The following MCPH1 variants were observed in gnomAD, a reference collection of about 807,000 sequenced individuals.
MCPH1 encodes the protein microcephalin 1.
Under a neutral mutation model 84.5 loss-of-function variants are expected in MCPH1, and 104 were observed. The ratio of observed to expected loss-of-function variants is 1.23; its 90% confidence interval spans 1.05 to 1.45. The LOEUF is 1.45. MCPH1 is among the 40% of genes most tolerant of loss of function. The pLI is 0.00. For missense variants in MCPH1, 1,498 were observed against 1,005.7 expected, an observed-to-expected ratio of 1.49 and a Z score of -6.62; for synonymous variants, 514 against 366.8, an observed-to-expected ratio of 1.40 and a Z score of -4.58.
At chr8:6,623,220 C>A (rs1049862261) in intron 13 of MCPH1, among the ~76,000 whole-genome samples, 1 of 152,014 alleles carries the variant, frequency 6.6e-6, no homozygotes, top group African/African-American at 2.4e-5. Flanking sequence ...TCCTGAGTTA[C>A]TGAGGGTTAA....
intron 7 of MCPH1, among the ~76,000 whole-genome samples, chr8:6,443,687 A>C (rs1201342728): frequency 6.6e-6 from 1 of 152,232 alleles, no homozygotes; most frequent in East Asian, 1.9e-4. Context: ...AGAGGGGGCA[A>C]GGCCAGGGAG....
At chr8:6,409,204 A>C in intron 1 of MCPH1, 75 bp from the exon 2 acceptor site, 2 of 1,275,132 alleles carry the variant, frequency 1.6e-6, no homozygotes, top group South Asian at 2.4e-5. Context: ...TCTTAAATGT[A>C]AATAGAACAA....
chr8:6,630,820 A>AC lies in MCPH1; in HGVS notation c.2452+9130dup, dbSNP rs1176635282. ...AAAAAAAAAAAACAATTATATATCAACAAAAAAAAGAAAATTTTAAAAAGT... is the reference window on the plus strand; with the variant it reads ...AAAAAAAAAAAACAATTATATATCAACCAAAAAAAAGAAAATTTTAAAAAGT... On this transcript the variant is annotated intron_variant, in intron 13 of 13. Transcript: ENST00000344683. Among the ~76,000 whole-genome samples, 100 of 152,004 alleles carry AC rather than the reference A, an allele frequency of 6.6e-4. 1 individual carries two copies. The highest frequency in any genetic ancestry group is 2.3e-3 in the African/African-American group (94 of 41,506).
rs1831404003 is a variant in MCPH1, at chr8:6,621,458, G to A, written c.2219G>A (p.Cys740Tyr). The change falls in exon 13 of 14, where the codon TGC becomes TAC. Residue 740 changes from cysteine (C) to tyrosine (Y), a missense_variant. Coordinates refer to ENST00000344683, the MANE Select transcript of MCPH1 (RefSeq NM_024596.5). ...LSHHFPAAPL[C>Y]RSECHLSAGP... ...CTATCTCTGTCTGCCCCACAGCTGTGCCGAAGCGAGTGCCACTTGTCTGCA... is the reference window on the plus strand; with the variant it reads ...CTATCTCTGTCTGCCCCACAGCTGTACCGAAGCGAGTGCCACTTGTCTGCA... 1.9e-6 allele frequency: 3 copies of A among 1,613,830 alleles called. No individual in the cohort carries two copies. The highest frequency in any genetic ancestry group is 1.1e-5 in the South Asian group (1 of 91,086).
At chr8:6,483,094 A>G (rs1010711429) in intron 11 of MCPH1, among the ~76,000 whole-genome samples, 1 of 152,266 alleles carries the variant, frequency 6.6e-6, no homozygotes, top group African/African-American at 2.4e-5. Context: ...CAAGAATTCC[A>G]TTGAAACTTC....
At chr8:6,613,449 G>A (rs544365860) in intron 12 of MCPH1, among the ~76,000 whole-genome samples, 5 of 152,188 alleles carry the variant, frequency 3.3e-5, no homozygotes, top group Non-Finnish European at 7.3e-5. Flanking sequence ...GGAGTCACGG[G>A]GGGGTGGTGG....
chr8:6,414,836 A>G lies in MCPH1; in HGVS notation c.186A>G (p.Lys62=), dbSNP rs1197411249. 1 of 1,613,844 alleles carries G rather than the reference A, an allele frequency of 6.2e-7. No individual in the cohort carries two copies. The highest frequency in any genetic ancestry group is 1.1e-5 in the South Asian group (1 of 91,066). ...FKDGYQSTWD[K]AQKRGVKLVS... Reference sequence around the variant, plus strand: ...ATGGCTACCAGAGCACTTGGGACAAAGCTCAGAAGAGAGGCGTAAAGCTCG... The same window carrying G: ...ATGGCTACCAGAGCACTTGGGACAAGGCTCAGAAGAGAGGCGTAAAGCTCG... The change falls in exon 3 of 14, where the codon AAA becomes AAG. Residue 62 remains lysine, a synonymous_variant. Coordinates refer to ENST00000344683, the MANE Select transcript of MCPH1 (RefSeq NM_024596.5).
chr8:6,631,531 A>G (rs1797157465), intron 13 of MCPH1, among the ~76,000 whole-genome samples: 2 of 152,252 alleles, frequency 1.3e-5, no homozygotes, highest in South Asian at 2.1e-4. Context: ...TTCAAAAAAG[A>G]TGATATAAAT....
chr8:6,418,615 G>A (rs150936335), intron 3 of MCPH1, among the ~76,000 whole-genome samples: 7 of 151,912 alleles, frequency 4.6e-5, no homozygotes, highest in African/African-American at 1.7e-4. Flanking sequence ...ACGGAGTCTC[G>A]CTCTGTCGCC....
chr8:6,467,169 A>G (rs1488040800), intron 9 of MCPH1, among the ~76,000 whole-genome samples: 1 of 152,234 alleles, frequency 6.6e-6, no homozygotes, highest in Non-Finnish European at 1.5e-5. Context: ...TTTTGGATAG[A>G]CTTAAGACTT....
intron 9 of MCPH1, among the ~76,000 whole-genome samples, chr8:6,474,630 CT>C (rs1445137601): frequency 6.6e-6 from 1 of 152,058 alleles, no homozygotes; most frequent in African/African-American, 2.4e-5. Flanking sequence ...TAGTCTTAAA[CT>C]TTACGAGTAA....
chr8:6,533,247 A>C (rs947165398), intron 12 of MCPH1, among the ~76,000 whole-genome samples: 2 of 152,238 alleles, frequency 1.3e-5, no homozygotes, highest in Admixed American at 6.5e-5. Context: ...TTTTAGCATT[A>C]ACTGAAACAC....
chr8:6,619,206 C>T (rs57870373), intron 12 of MCPH1: 2,299 of 152,318 alleles, frequency 0.015, 54 homozygotes, highest in African/African-American at 0.052. Context: ...CTTTGTTCTG[C>T]CAATAAAGAA....
At chr8:6,623,803 T>G (rs1383243884) in intron 13 of MCPH1, among the ~76,000 whole-genome samples, 1 of 151,878 alleles carries the variant, frequency 6.6e-6, no homozygotes, top group Non-Finnish European at 1.5e-5. Flanking sequence ...AAACATCCTA[T>G]GTTCTGAAAC....
chr8:6,406,811 TC>T, intron 1 of MCPH1, 122 bp downstream of exon 1: 5 of 1,094,058 alleles, frequency 4.6e-6, no homozygotes, highest in Non-Finnish European at 4.0e-6. Flanking sequence ...GCTGCCTGTC[TC>T]CCCCAGACCC....
chr8:6,552,663 T>C (rs903197545), intron 12 of MCPH1, among the ~76,000 whole-genome samples: 1 of 152,216 alleles, frequency 6.6e-6, no homozygotes, highest in Admixed American at 6.5e-5. Context: ...CACCCTGTGC[T>C]AGCCATCATC....
chr8:6,488,845 AG>A (rs1225316489), intron 11 of MCPH1, among the ~76,000 whole-genome samples: 2 of 152,084 alleles, frequency 1.3e-5, no homozygotes, highest in Non-Finnish European at 2.9e-5. Context: ...GGAGGCAGCT[AG>A]GGTCATCGAG....
At position 6,648,493 on chromosome 8, in the gene MCPH1, CT is replaced by C. The variant is rs1798322442; in HGVS notation, c.*5445del. 1 of 152,222 alleles carries C rather than the reference CT, an allele frequency of 6.6e-6. No homozygotes were observed. The highest frequency in any genetic ancestry group is 1.5e-5 in the Non-Finnish European group (1 of 68,058). 9.4% of individuals were successfully genotyped at this position (152,222 alleles called of 1,614,324 possible). ...CAAAAGTGGAATAAATAAAAACTAACTGTCTCATTTCAGCACTGGCAGTCTC... is the reference window on the plus strand; with the variant it reads ...CAAAAGTGGAATAAATAAAAACTAACGTCTCATTTCAGCACTGGCAGTCTC... On this transcript the variant is annotated 3_prime_UTR_variant, in exon 14 of 14. Coordinates refer to ENST00000344683, the MANE Select transcript of MCPH1 (RefSeq NM_024596.5).
intron 2 of MCPH1, among the ~76,000 whole-genome samples, chr8:6,412,320 A>G (rs1232619995): frequency 6.6e-6 from 1 of 152,228 alleles, no homozygotes; most frequent in African/African-American, 2.4e-5. Context: ...CCGTTAGACA[A>G]GTGAGTTGAC....
Sources: gnomAD v4.1 joint callset for allele counts (sites outside exome capture counted in the v4.1 genomes callset) on GRCh38, gnomAD v4.1.1 for gene constraint, MANE v1.5 for transcripts, NCBI Gene and HGNC (gene_info 2026-07-23, HGNC 2026-07-21) for gene names.